Variants in VWC2 observed in about 807,000 individuals in gnomAD.
VWC2 encodes the protein von Willebrand factor C domain containing 2.
VWC2 carries 14 observed loss-of-function variants against 29.8 expected under a neutral mutation model. That is an observed-to-expected ratio of 0.47 (90% CI 0.31 to 0.74). The LOEUF (loss-of-function observed/expected upper bound fraction) is 0.74, where lower values mean the gene tolerates loss of function less well. Among genes scored for constraint, VWC2 ranks in the 30% least tolerant of loss-of-function variants. The probability of loss-of-function intolerance (pLI) is 0.05; values close to 1 mark genes in which losing one functional copy is unlikely to be tolerated. For synonymous variants in VWC2, 213 were observed against 199.0 expected, an observed-to-expected ratio of 1.07 and a Z score of -0.59; for missense variants, 457 against 459.8, an observed-to-expected ratio of 0.99 and a Z score of 0.05.
intron 3 of VWC2, among the ~76,000 whole-genome samples, chr7:49,881,786 C>A (rs1331599701): frequency 6.6e-6 from 1 of 151,988 alleles, no homozygotes; most frequent in Admixed American, 6.6e-5. Flanking sequence ...AGATTGAAAT[C>A]ACTTTGTATA....
chr7:49,897,771 G>T (rs1192400326), intron 3 of VWC2, among the ~76,000 whole-genome samples: 3 of 152,178 alleles, frequency 2.0e-5, no homozygotes, highest in Non-Finnish European at 2.9e-5. Context: ...CTGATGAATT[G>T]CTGGAAGTTT....
At chr7:49,893,216 T>A (rs1792219390) in intron 3 of VWC2, among the ~76,000 whole-genome samples, 1 of 152,184 alleles carries the variant, frequency 6.6e-6, no homozygotes, top group Admixed American at 6.5e-5. Context: ...TTGAAAGGAT[T>A]GGAACAGGGT....
chr7:49,893,661 A>G (rs961570294), intron 3 of VWC2, among the ~76,000 whole-genome samples: 1 of 150,622 alleles, frequency 6.6e-6, no homozygotes, highest in Non-Finnish European at 1.5e-5. Flanking sequence ...TCCTTTTGAG[A>G]CCAGTACCCT....
Position 49,774,116 on chromosome 7 carries a change from A to T in VWC2, c.-104+3A>T, listed in dbSNP as rs1198812116. 1 of 151,822 alleles carries T rather than the reference A, an allele frequency of 6.6e-6. No individual in the cohort carries two copies. Among genetic ancestry groups the T allele is most frequent in the Non-Finnish European group, 1.5e-5 (1 of 67,992 alleles). The allele number at this position is 151,822 out of a possible 1,614,324, so 9.4% of individuals were successfully genotyped here. A position where few individuals can be genotyped will look rare whatever the true frequency, so the allele number is the denominator to read the frequency against. On this transcript the variant is annotated splice_donor_region_variant and intron_variant, in intron 1 of 3. Coordinates refer to ENST00000340652, the MANE Select transcript of VWC2 (RefSeq NM_198570.5). Reference sequence around the variant, plus strand: ...TCCGGCCCGCGCCCTGCGCTCATGTATGTAGGTTTGGCGCCGGTCTTCAGG... The same window carrying T: ...TCCGGCCCGCGCCCTGCGCTCATGTTTGTAGGTTTGGCGCCGGTCTTCAGG...
At chr7:49,850,116 A>G (rs1790117518) in intron 3 of VWC2, among the ~76,000 whole-genome samples, 1 of 152,162 alleles carries the variant, frequency 6.6e-6, no homozygotes, top group South Asian at 2.1e-4. Flanking sequence ...AGCACATAGC[A>G]TGGTGCTGCA....
intron 3 of VWC2, among the ~76,000 whole-genome samples, chr7:49,903,520 G>A (rs1346094253): frequency 7.9e-5 from 12 of 152,100 alleles, no homozygotes; most frequent in Non-Finnish European, 1.5e-4. Context: ...TTCCACTTAC[G>A]TAGTATTCTT....
intron 3 of VWC2, among the ~76,000 whole-genome samples, chr7:49,885,783 C>T (rs1032096548): frequency 9.9e-5 from 15 of 152,146 alleles, no homozygotes; most frequent in Non-Finnish European, 8.8e-5. Context: ...CAGGTGCTTG[C>T]GGCCTGGACC....
chr7:49,797,301 A>G (rs890288763), intron 2 of VWC2, among the ~76,000 whole-genome samples: 1 of 152,128 alleles, frequency 6.6e-6, no homozygotes, highest in Non-Finnish European at 1.5e-5. Context: ...AACCATTACA[A>G]TTACTTGGAA....
At chr7:49,875,395 A>AAAAAAAAC (rs1562746141) in intron 3 of VWC2, among the ~76,000 whole-genome samples, 1 of 149,594 alleles carries the variant, frequency 6.7e-6, no homozygotes, top group African/African-American at 2.5e-5. Context: ...AAAAAAAAAA[A>AAAAAAAAC]AACAGGAATA....
intron 3 of VWC2, among the ~76,000 whole-genome samples, chr7:49,854,927 G>C (rs1281803307): frequency 3.3e-5 from 5 of 152,208 alleles, no homozygotes; most frequent in African/African-American, 1.2e-4. Flanking sequence ...CCAATGCCAT[G>C]CACCCTGGTC....
intron 2 of VWC2, among the ~76,000 whole-genome samples, chr7:49,786,077 A>G (rs567865135): frequency 6.6e-6 from 1 of 152,318 alleles, no homozygotes; most frequent in Non-Finnish European, 1.5e-5. Flanking sequence ...AAGAATGATC[A>G]CATCACTCAG....
Position 49,920,087 on chromosome 7 carries a change from T to C in VWC2, c.*7902T>C, listed in dbSNP as rs971464781. On this transcript the variant is annotated 3_prime_UTR_variant, in exon 4 of 4. Coordinates refer to ENST00000340652, the MANE Select transcript of VWC2 (RefSeq NM_198570.5). Reference sequence around the variant, plus strand: ...TACCTACATTTCAGAGGACAAATCATGTTATTATAATAACCAGGAGAGAAA... The same window carrying C: ...TACCTACATTTCAGAGGACAAATCACGTTATTATAATAACCAGGAGAGAAA... 3 of 152,142 alleles carry C rather than the reference T, an allele frequency of 2.0e-5. No homozygotes were observed. Among genetic ancestry groups the C allele is most frequent in the Non-Finnish European group, 2.9e-5 (2 of 68,012 alleles). The allele number at this position is 152,142 out of a possible 1,614,324, so 9.4% of individuals were successfully genotyped here. A position where few individuals can be genotyped will look rare whatever the true frequency, so the allele number is the denominator to read the frequency against.
intron 3 of VWC2, among the ~76,000 whole-genome samples, chr7:49,853,589 G>T (rs1418040443): frequency 6.6e-6 from 1 of 151,770 alleles, no homozygotes; most frequent in Non-Finnish European, 1.5e-5. Context: ...TTAAATGAAA[G>T]AATTTACATA....
In VWC2 at chr7:49,877,502, A is replaced by AAC. The variant is rs1253242505; in HGVS notation, c.827-34532_827-34531insAC. Among the ~76,000 whole-genome samples the AAC allele has an allele frequency of 8.6e-5, 8 of 92,782 alleles. 3 individuals carry two copies. Among genetic ancestry groups the AAC allele is most frequent in the Non-Finnish European group, 1.8e-4 (8 of 43,584 alleles). The allele number at this position is 92,782 out of a possible 152,430, so 60.9% of individuals were successfully genotyped here. ...AAAAAATATATATATATATATATAT[A>AAC]TATATATATATATATAGTTATTTGG... On this transcript the variant is annotated intron_variant, in intron 3 of 3. Coordinates refer to ENST00000340652, the MANE Select transcript of VWC2 (RefSeq NM_198570.5).
intron 3 of VWC2, among the ~76,000 whole-genome samples, chr7:49,820,001 T>G (rs1789229901): frequency 6.6e-6 from 1 of 152,182 alleles, no homozygotes; most frequent in Admixed American, 6.5e-5. Context: ...TATTTTGGTC[T>G]CTCACAATAT....
At chr7:49,838,713 A>G (rs1433697414) in intron 3 of VWC2, among the ~76,000 whole-genome samples, 1 of 152,152 alleles carries the variant, frequency 6.6e-6, no homozygotes, top group Non-Finnish European at 1.5e-5. Context: ...AATAGCTACA[A>G]TTTATTTTTT....
Position 49,773,661 on chromosome 7 carries a change from G to C in VWC2, c.-556G>C, listed in dbSNP as rs943721563. On this transcript the variant is annotated 5_prime_UTR_variant, in exon 1 of 4. Coordinates refer to ENST00000340652, the MANE Select transcript of VWC2 (RefSeq NM_198570.5). ...GCGCGCTAGCTCCCATGCTGGCCTCGGTGCCACTCGCGCGCCGGCCGCGCT... is the reference window on the plus strand; with the variant it reads ...GCGCGCTAGCTCCCATGCTGGCCTCCGTGCCACTCGCGCGCCGGCCGCGCT... The C allele has an allele frequency of 6.6e-6, 1 of 152,574 alleles. No homozygotes were observed. Among genetic ancestry groups the C allele is most frequent in the African/African-American group, 2.4e-5 (1 of 41,428 alleles). 9.5% of individuals were successfully genotyped at this position (152,574 alleles called of 1,614,324 possible).
chr7:49,775,978 C>G lies in VWC2; in HGVS notation c.543C>G (p.Thr181=), dbSNP rs750171951. ...PGPSACPCLC[T]EEGPLCAQPE... is the part of the protein sequence containing the mutation. ...CCTCGGCCTGCCCGTGCCTGTGCAC[C>G]GAGGAGGGGCCGCTGTGCGCGCAGC... Residue 181 remains threonine, a synonymous_variant, in exon 2 of 4, where the codon ACC becomes ACG. Transcript: ENST00000340652. The G allele has an allele frequency of 5.2e-6, 8 of 1,547,506 alleles. No homozygotes were observed. Among genetic ancestry groups the G allele is most frequent in the South Asian group, 3.6e-5 (3 of 84,404 alleles).
chr7:49,781,227 C>T (rs1788171006), intron 2 of VWC2, among the ~76,000 whole-genome samples: 1 of 151,978 alleles, frequency 6.6e-6, no homozygotes, highest in Non-Finnish European at 1.5e-5. Context: ...ACCCTTGTGT[C>T]TAAAGCCATT....
Sources: allele counts gnomAD v4.1 joint callset (sites outside exome capture counted in the v4.1 genomes callset), GRCh38; gene constraint gnomAD v4.1.1; transcripts MANE v1.5; gene names NCBI Gene and HGNC (gene_info 2026-07-23, HGNC 2026-07-21).